The following PPP1R37 variants were observed in gnomAD, a reference collection of about 807,000 sequenced individuals.
The protein encoded by PPP1R37 is protein phosphatase 1 regulatory subunit 37.
Under a neutral mutation model 61.0 loss-of-function variants are expected in PPP1R37, and 21 were observed. The observed-to-expected ratio is 0.34, with a 90% CI of 0.24 to 0.50. PPP1R37 has a LOEUF of 0.50. Ranked by LOEUF, PPP1R37 falls within the 20% of genes least tolerant of loss-of-function variation. PPP1R37 has a pLI of 0.98. For synonymous variants in PPP1R37, 443 were observed against 433.5 expected, an observed-to-expected ratio of 1.02 and a Z score of -0.27; for missense variants, 910 against 952.7, an observed-to-expected ratio of 0.96 and a Z score of 0.59.
intron 7 of PPP1R37, 53 bp downstream of exon 7, chr19:45,142,511 C>T (rs547161324): frequency 8.6e-6 from 13 of 1,510,266 alleles, no homozygotes; most frequent in Non-Finnish European, 1.2e-5. Context: ...CCCACTCTGC[C>T]CGGCCCTGCG....
intron 1 of PPP1R37, among the ~76,000 whole-genome samples, chr19:45,131,519 T>C (rs916714704): frequency 6.6e-6 from 1 of 152,230 alleles, no homozygotes; most frequent in Non-Finnish European, 1.5e-5. Flanking sequence ...CCCAGATTGC[T>C]TCCCTGATAA....
At chr19:45,104,766 C>A (rs1464507230) in intron 1 of PPP1R37, among the ~76,000 whole-genome samples, 1 of 152,090 alleles carries the variant, frequency 6.6e-6, no homozygotes, top group Non-Finnish European at 1.5e-5. Flanking sequence ...CATCGCCGGC[C>A]ACGACCGAGA....
chr19:45,119,502 A>G (rs1296891632), intron 1 of PPP1R37, among the ~76,000 whole-genome samples: 1 of 152,210 alleles, frequency 6.6e-6, no homozygotes, highest in African/African-American at 2.4e-5. Context: ...AAGTAGGAGT[A>G]TAATGAGTCT....
chr19:45,141,542 T>G (rs1276362841), intron 5 of PPP1R37, 101 bp downstream of exon 5: 1 of 1,401,288 alleles, frequency 7.1e-7, no homozygotes, highest in East Asian at 2.5e-5. Flanking sequence ...CATGAGCTCT[T>G]GAGTGTGGGC....
intron 1 of PPP1R37, among the ~76,000 whole-genome samples, chr19:45,101,279 C>A (rs914705289): frequency 1.3e-5 from 2 of 152,166 alleles, no homozygotes; most frequent in Non-Finnish European, 2.9e-5. Context: ...CAGAGAGAAC[C>A]AGCCTGGTAT....
intron 1 of PPP1R37, among the ~76,000 whole-genome samples, chr19:45,097,899 G>A (rs1968013808): frequency 6.6e-6 from 1 of 152,210 alleles, no homozygotes; most frequent in Non-Finnish European, 1.5e-5. Flanking sequence ...AGAGTGACAT[G>A]TAGCTGAATG....
chr19:45,119,368 G>T (rs1968311161), intron 1 of PPP1R37, among the ~76,000 whole-genome samples: 2 of 152,184 alleles, frequency 1.3e-5, no homozygotes, highest in Non-Finnish European at 1.5e-5. Context: ...GGCCCGACTG[G>T]TGTCGAACTC....
Position 45,093,342 on chromosome 19 carries a change from A to T in PPP1R37, c.17A>T (p.Gln6Leu). 1 of 1,489,150 alleles carries T rather than the reference A, an allele frequency of 6.7e-7. No individual in the cohort carries two copies. The highest frequency in any genetic ancestry group is 2.2e-5 in the Admixed American group (1 of 44,998). The allele number at this position is 1,489,150 out of a possible 1,614,324, so 92.2% of individuals were successfully genotyped here. Residue 6 changes from glutamine (Q) to leucine (L), a missense_variant, in exon 1 of 13, where the codon CAG (glutamine) becomes CTG (leucine). Coordinates refer to ENST00000221462, the MANE Select transcript of PPP1R37 (RefSeq NM_019121.2). ...GCGGCGGCTATGGAGATCGCGCCGC[A>T]GGAGGCGCCGCCCGTGCCGGGCGCG... The part of the protein sequence containing the change: MEIAP[Q>L]EAPPVPGADG...
intron 1 of PPP1R37, among the ~76,000 whole-genome samples, chr19:45,107,752 C>T (rs949960360): frequency 3.9e-5 from 6 of 152,158 alleles, no homozygotes; most frequent in Non-Finnish European, 5.9e-5. Flanking sequence ...ATTTCCTTCC[C>T]GTCTCTTCTC....
intron 6 of PPP1R37, 21 bp from the exon 7 acceptor site, chr19:45,142,282 G>T: frequency 6.5e-7 from 1 of 1,535,348 alleles, no homozygotes; most frequent in South Asian, 1.2e-5. Context: ...CCCAGTCACC[G>T]TGCCCCCTCC....
intron 7 of PPP1R37, chr19:45,142,675 G>T: frequency 1.8e-6 from 1 of 544,904 alleles, no homozygotes; most frequent in Non-Finnish European, 3.2e-6. Flanking sequence ...CGATCAGTCT[G>T]GGGGCCAGGG....
chr19:45,116,255 C>T (rs762865875), intron 1 of PPP1R37, among the ~76,000 whole-genome samples: 1 of 152,240 alleles, frequency 6.6e-6, no homozygotes, highest in Non-Finnish European at 1.5e-5. Flanking sequence ...TTGGGAAGGT[C>T]AGGACGAGGG....
chr19:45,145,927 C>T lies in PPP1R37; in HGVS notation c.1871C>T (p.Pro624Leu), dbSNP rs553073459. ...GGGTCCTCTGAGCCTCAGCCACCAC[C>T]GGAGCCGCCTCGGTCAGGGCCACCA... Reference protein sequence around the residue: ...DTGSSEPQPPPEPPRSGPPLP... With the variant: ...DTGSSEPQPPLEPPRSGPPLP... Residue 624 changes from proline to leucine, a missense_variant, in exon 11 of 13, where the codon CCG (proline) becomes CTG (leucine). Pro to Leu is a moderately conservative substitution (Grantham distance 98, BLOSUM62 -3). Transcript: ENST00000221462. 135 of 1,534,760 alleles carry T rather than the reference C, an allele frequency of 8.8e-5. No homozygotes were observed. Among genetic ancestry groups the T allele is most frequent in the Non-Finnish European group, 1.1e-4 (127 of 1,146,486 alleles).
Position 45,093,490 on chromosome 19 carries a change from G to A in PPP1R37, c.165G>A (p.Val55=), listed in dbSNP as rs1181702915. The A allele has an allele frequency of 2.6e-6, 4 of 1,535,482 alleles. No homozygotes were observed. In the East Asian group the frequency reaches 9.8e-5, roughly 38 times the overall value. ...CATTCCCGTCCGACGAGGATATCGT[G>A]TCTGGAGCAGTGGAGCCCAAAGACC... ...RVTFPSDEDI[V]SGAVEPKDPW... is the part of the protein sequence containing the mutation. Residue 55 remains valine (V), a synonymous_variant, in exon 1 of 13, where the codon GTG becomes GTA. Coordinates refer to ENST00000221462, the MANE Select transcript of PPP1R37 (RefSeq NM_019121.2).
At position 45,093,497 on chromosome 19, in the gene PPP1R37, GC is replaced by G; in HGVS notation, c.173del (p.Ala58GlufsTer14). ...FPSDEDIVSG[A>X]VEPKDPWRHA... ...GTCCGACGAGGATATCGTGTCTGGA[GC>G]AGTGGAGCCCAAAGACCCCTGGAGA... is the stretch of plus-strand genomic sequence containing the variant. On this transcript the variant is annotated frameshift_variant, in exon 1 of 13. Transcript: ENST00000221462. LOFTEE classifies it high-confidence loss of function. 1 of 1,535,494 alleles carries G rather than the reference GC, an allele frequency of 6.5e-7. No homozygotes were observed. Among genetic ancestry groups the G allele is most frequent in the Non-Finnish European group, 8.7e-7 (1 of 1,146,694 alleles).
intron 1 of PPP1R37, among the ~76,000 whole-genome samples, chr19:45,131,918 C>T (rs117538290): frequency 2.0e-5 from 3 of 152,318 alleles, no homozygotes; most frequent in Non-Finnish European, 4.4e-5. Context: ...CCTGCGACCC[C>T]ACAGGTGTCC....
At position 45,146,667 on chromosome 19, in the gene PPP1R37, G is replaced by C; in HGVS notation, c.*105G>C. The stretch of plus-strand genomic sequence containing the variant: ...CTTCCTGAGGCCCAGGATGCCAGGG[G>C]TGGGGGCCATTCTGGGGCCCCCCTC... On this transcript the variant is annotated 3_prime_UTR_variant, in exon 13 of 13. Transcript: ENST00000221462. The C allele has an allele frequency of 3.6e-6, 2 of 558,240 alleles. No homozygotes were observed. Among genetic ancestry groups the C allele is most frequent in the South Asian group, 4.0e-5 (2 of 49,606 alleles). The allele number at this position is 558,240 out of a possible 1,614,324, so 34.6% of individuals were successfully genotyped here.
chr19:45,095,695 C>T (rs951878261), intron 1 of PPP1R37, among the ~76,000 whole-genome samples: 3 of 147,178 alleles, frequency 2.0e-5, no homozygotes, highest in African/African-American at 7.6e-5. Context: ...CCCAGGAGGT[C>T]GATAGTGCAG....
chr19:45,128,619 T>C, intron 1 of PPP1R37: 1 of 1,266,100 alleles, frequency 7.9e-7, no homozygotes. Flanking sequence ...CTCGGCCTCC[T>C]TCCCAATGCA....
Sources: gnomAD v4.1 joint callset for allele counts (sites outside exome capture counted in the v4.1 genomes callset) on GRCh38, gnomAD v4.1.1 for gene constraint, MANE v1.5 for transcripts, NCBI Gene and HGNC (gene_info 2026-07-23, HGNC 2026-07-21) for gene names.